The following CSMD1 variants were observed in gnomAD, a reference collection of about 807,000 sequenced individuals.
The protein encoded by CSMD1 is CUB and sushi domain-containing protein 1.
In CSMD1, 213 loss-of-function variants were observed where a neutral mutation model predicts 417.5. That is an observed-to-expected ratio of 0.51 (90% CI 0.46 to 0.57). The LOEUF is 0.57. Among genes scored for constraint, CSMD1 ranks in the 20% least tolerant of loss-of-function variants. The pLI is 0.00. For synonymous variants in CSMD1, 2,862 were observed against 1,736.8 expected, an observed-to-expected ratio of 1.65 and a Z score of -16.11; for missense variants, 6,923 against 4,529.7, an observed-to-expected ratio of 1.53 and a Z score of -15.17.
rs140143681 is a variant in CSMD1 at position 3,375,827 on chromosome 8, C to T, written c.2783-6457G>A. 4.0e-3 allele frequency among the ~76,000 whole-genome samples: 615 copies of T among 152,282 alleles called. 3 individuals are homozygous for T. The highest frequency in any genetic ancestry group is 0.014 in the African/African-American group (593 of 41,554). On this transcript the variant is annotated intron_variant, in intron 18 of 69. Coordinates refer to ENST00000635120, the MANE Select transcript of CSMD1 (RefSeq NM_033225.6). ...ACTCGAGGCATTTGATCATCATCTA[C>T]CTTCAGTGATTCACACCCCTCAATC...
At chr8:3,774,064 A>C (rs1798766796) in intron 5 of CSMD1, among the ~76,000 whole-genome samples, 1 of 152,146 alleles carries the variant, frequency 6.6e-6, no homozygotes. Flanking sequence ...ATTTTCCTAA[A>C]ATACAGGCTG....
chr8:4,358,644 A>G (rs1359251333), intron 3 of CSMD1, among the ~76,000 whole-genome samples: 1 of 152,210 alleles, frequency 6.6e-6, no homozygotes, highest in Admixed American at 6.5e-5. Flanking sequence ...ATAATTTATG[A>G]ATTCCTTTTA....
rs747200479 is a variant in CSMD1, at chr8:3,076,184, C to T, written c.7474+10913G>A. Among the ~76,000 whole-genome samples the T allele has an allele frequency of 7.2e-5, 11 of 152,280 alleles. No homozygotes were observed. In the South Asian group the frequency reaches 1.7e-3, roughly 23 times the overall value. On this transcript the variant is annotated intron_variant, in intron 49 of 69. Coordinates refer to ENST00000635120, the MANE Select transcript of CSMD1 (RefSeq NM_033225.6). ...TGGATTTTCTCACAGTCCTGGAGGC[C>T]GGAAGTCCCACCGCAGGTGTCGGCG...
At chr8:4,368,539 T>G (rs938941706) in intron 3 of CSMD1, among the ~76,000 whole-genome samples, 1 of 152,188 alleles carries the variant, frequency 6.6e-6, no homozygotes, top group South Asian at 2.1e-4. Flanking sequence ...ATCATTTTAG[T>G]AAGATAGGTA....
At chr8:4,516,802 G>C (rs916902239) in intron 2 of CSMD1, among the ~76,000 whole-genome samples, 4 of 152,018 alleles carry the variant, frequency 2.6e-5, no homozygotes, top group Non-Finnish European at 4.4e-5. Flanking sequence ...CAACCCAGGA[G>C]GTATTTATTA....
chr8:4,900,069 G>C (rs1304246337), intron 1 of CSMD1, among the ~76,000 whole-genome samples: 1 of 151,866 alleles, frequency 6.6e-6, no homozygotes, highest in Non-Finnish European at 1.5e-5. Flanking sequence ...TCCATCTCTG[G>C]TAGTTCCTTC....
chr8:4,946,602 GTC>G (rs1808385446), intron 1 of CSMD1, among the ~76,000 whole-genome samples: 1 of 152,208 alleles, frequency 6.6e-6, no homozygotes, highest in Non-Finnish European at 1.5e-5. Flanking sequence ...CTAGGCTTAT[GTC>G]TAAGGAAGGA....
chr8:3,837,765 T>A lies in CSMD1; in HGVS notation c.819-83723A>T, dbSNP rs148618626. Among the ~76,000 whole-genome samples, 456 of 151,758 alleles carry A rather than the reference T, an allele frequency of 3.0e-3. 1 individual carries two copies. The highest frequency in any genetic ancestry group is 0.01 in the African/African-American group (434 of 41,532). On this transcript the variant is annotated intron_variant, in intron 5 of 69. Coordinates refer to ENST00000635120, the MANE Select transcript of CSMD1 (RefSeq NM_033225.6). ...TCCTGGCTCCTCCCAGTTTATCAGT[T>A]CCATCTTTGTTTTCTCAGACTGCAC... is the stretch of plus-strand genomic sequence containing the variant.
At chr8:4,781,374 C>A (rs1002063897) in intron 1 of CSMD1, among the ~76,000 whole-genome samples, 1 of 152,246 alleles carries the variant, frequency 6.6e-6, no homozygotes, top group African/African-American at 2.4e-5. Flanking sequence ...AGATCACTCT[C>A]TTCTCTATAG....
At chr8:4,573,191 A>C (rs1798968427) in intron 2 of CSMD1, among the ~76,000 whole-genome samples, 1 of 152,084 alleles carries the variant, frequency 6.6e-6, no homozygotes, top group African/African-American at 2.4e-5. Flanking sequence ...TTTGGAGGAG[A>C]AGAGGCATTC....
intron 50 of CSMD1, among the ~76,000 whole-genome samples, chr8:3,039,657 C>G (rs980217936): frequency 3.3e-5 from 5 of 152,144 alleles, no homozygotes; most frequent in Middle Eastern, 3.4e-3. Context: ...CCTAAATGAC[C>G]TCGTCTGCAT....
At chr8:4,856,177 G>A (rs1049722738) in intron 1 of CSMD1, among the ~76,000 whole-genome samples, 6 of 137,834 alleles carry the variant, frequency 4.4e-5, no homozygotes, top group Non-Finnish European at 7.9e-5. Flanking sequence ...CTTCATAAGT[G>A]AAGGAGAAAT....
chr8:4,713,875 G>T (rs770099204), intron 1 of CSMD1, among the ~76,000 whole-genome samples: 1 of 152,170 alleles, frequency 6.6e-6, no homozygotes, highest in East Asian at 1.9e-4. Flanking sequence ...AGCCAAAAGT[G>T]GAGGTGGAGA....
At chr8:4,250,070 T>C (rs1256609879) in intron 3 of CSMD1, among the ~76,000 whole-genome samples, 1 of 152,190 alleles carries the variant, frequency 6.6e-6, no homozygotes, top group African/African-American at 2.4e-5. Context: ...CAGAGTGGGC[T>C]ACCCCTCTTT....
chr8:4,525,247 A>T (rs1796455149), intron 2 of CSMD1, among the ~76,000 whole-genome samples: 1 of 152,068 alleles, frequency 6.6e-6, no homozygotes, highest in African/African-American at 2.4e-5. Flanking sequence ...AGCATCATTC[A>T]CTCGAACAGA....
chr8:4,909,221 G>C (rs945202578), intron 1 of CSMD1, among the ~76,000 whole-genome samples: 2 of 152,164 alleles, frequency 1.3e-5, no homozygotes, highest in African/African-American at 4.8e-5. Context: ...GGTAGTGAGG[G>C]ATGGTAGAGT....
intron 1 of CSMD1, chr8:4,788,516 T>A (rs1482161058): frequency 2.1e-6 from 3 of 1,415,474 alleles, no homozygotes; most frequent in Non-Finnish European, 3.0e-6. Flanking sequence ...GAGCAAACTG[T>A]GAGCAAGCAT....
intron 3 of CSMD1, among the ~76,000 whole-genome samples, chr8:4,407,684 A>T (rs899502237): frequency 6.6e-6 from 1 of 152,196 alleles, no homozygotes; most frequent in Non-Finnish European, 1.5e-5. Flanking sequence ...TACAAATTTA[A>T]ATTTGTTATC....
chr8:2,978,706 C>T lies in CSMD1; in HGVS notation c.8472G>A (p.Leu2824=). The stretch of plus-strand genomic sequence containing the variant: ...AGTAAAATCCCTTCTTGCAATGGTA[C>T]AGGATACTCATTCCATACTCAAAAC... ...PESFEYGMSI[L]YHCKKGFYLL... is the part of the protein sequence containing the mutation. Residue 2824 remains leucine, a synonymous_variant, in exon 55 of 70, where the codon CTG becomes CTA. Transcript: ENST00000635120. 6.2e-7 allele frequency: 1 copy of T among 1,612,882 alleles called. No individual in the cohort carries two copies. The highest frequency in any genetic ancestry group is 8.5e-7 in the Non-Finnish European group (1 of 1,179,468).
Sources: gnomAD v4.1 joint callset for allele counts (sites outside exome capture counted in the v4.1 genomes callset) on GRCh38, gnomAD v4.1.1 for gene constraint, MANE v1.5 for transcripts, NCBI Gene and HGNC (gene_info 2026-07-23, HGNC 2026-07-21) for gene names.